The following NOL4 variants were observed in gnomAD, a reference collection of about 807,000 sequenced individuals.
NOL4 encodes the protein cancer/testis antigen 125.
In NOL4, 17 loss-of-function variants were observed where a neutral mutation model predicts 75.9. That is an observed-to-expected ratio of 0.22 (90% CI 0.15 to 0.34). The LOEUF (loss-of-function observed/expected upper bound fraction) is 0.34, where lower values mean the gene tolerates loss of function less well. Among genes scored for constraint, NOL4 ranks in the 10% least tolerant of loss-of-function variants. The pLI, the probability that NOL4 is intolerant of heterozygous loss-of-function variation, is 1.00. For synonymous variants in NOL4, 292 were observed against 289.9 expected, an observed-to-expected ratio of 1.01 and a Z score of -0.07; for missense variants, 614 against 793.5, an observed-to-expected ratio of 0.77 and a Z score of 2.72.
intron 5 of NOL4, among the ~76,000 whole-genome samples, chr18:34,070,125 G>A (rs1373654331): frequency 6.6e-6 from 1 of 152,176 alleles, no homozygotes; most frequent in Admixed American, 6.5e-5. Context: ...TCCGCCTTCC[G>A]GGTTCACGCC....
intron 9 of NOL4, among the ~76,000 whole-genome samples, chr18:33,907,200 G>A (rs1310633785): frequency 6.6e-6 from 1 of 151,782 alleles, no homozygotes; most frequent in Non-Finnish European, 1.5e-5. Context: ...GTTGGCACCT[G>A]TAGTCCCAGC....
intron 5 of NOL4, among the ~76,000 whole-genome samples, chr18:34,091,426 G>T (rs2078518770): frequency 6.6e-6 from 1 of 151,898 alleles, no homozygotes; most frequent in South Asian, 2.1e-4. Flanking sequence ...GCCCCTCTTT[G>T]GATCCTGCCA....
At chr18:34,019,267 G>T (rs1434199135) in intron 6 of NOL4, 51 bp downstream of exon 6, 7 of 1,517,540 alleles carry the variant, frequency 4.6e-6, no homozygotes, top group African/African-American at 2.8e-5. Context: ...GGTATTTTTT[G>T]TGACCTTCAT....
intron 1 of NOL4, among the ~76,000 whole-genome samples, chr18:34,167,501 A>G (rs893971551): frequency 6.7e-6 from 1 of 149,096 alleles, no homozygotes; most frequent in Non-Finnish European, 1.5e-5. Context: ...TCTTTCTAAA[A>G]TGAAAAATCT....
chr18:34,068,073 C>CA lies in NOL4; in HGVS notation c.772+25391dup, dbSNP rs541653618. Among the ~76,000 whole-genome samples the CA allele has an allele frequency of 2.4e-4, 36 of 152,126 alleles. 1 individual carries two copies. The South Asian group carries it at 7.1e-3, about 30-fold the overall frequency. On this transcript the variant is annotated intron_variant, in intron 5 of 10. Transcript: ENST00000261592. The stretch of plus-strand genomic sequence containing the variant: ...AAGAAAGAAAATGAGAAAGAAAAGC[C>CA]AGTGAGGTGGGAGGAAAATTAGGAG...
chr18:34,122,926 G>A (rs1205248485), intron 2 of NOL4, among the ~76,000 whole-genome samples: 1 of 151,962 alleles, frequency 6.6e-6, no homozygotes, highest in East Asian at 1.9e-4. Context: ...AGCCGCATTG[G>A]CTCCTTTTCA....
At chr18:34,132,599 C>T (rs564287759) in intron 1 of NOL4, among the ~76,000 whole-genome samples, 48 of 152,052 alleles carry the variant, frequency 3.2e-4, no homozygotes, top group African/African-American at 1.1e-3. Flanking sequence ...ATCAAAAATG[C>T]CTTCAGAGGT....
chr18:34,161,429 T>C (rs1050152847), intron 1 of NOL4, among the ~76,000 whole-genome samples: 1 of 152,136 alleles, frequency 6.6e-6, no homozygotes, highest in South Asian at 2.1e-4. Flanking sequence ...CCTTGTATAA[T>C]ACATCAAAAG....
intron 1 of NOL4, among the ~76,000 whole-genome samples, chr18:34,162,668 A>C (rs956937437): frequency 2.6e-5 from 4 of 152,208 alleles, no homozygotes; most frequent in African/African-American, 9.7e-5. Flanking sequence ...AGGTACAAGG[A>C]GGAACTGGTA....
At chr18:34,185,903 A>T (rs2146361792) in intron 1 of NOL4, among the ~76,000 whole-genome samples, 1 of 152,194 alleles carries the variant, frequency 6.6e-6, no homozygotes, top group South Asian at 2.1e-4. Context: ...TGCAACAGCA[A>T]TTTTTCTTCA....
At chr18:34,106,625 C>A (rs1014345318) in intron 2 of NOL4, among the ~76,000 whole-genome samples, 17 of 151,496 alleles carry the variant, frequency 1.1e-4, no homozygotes, top group Admixed American at 8.6e-4. Flanking sequence ...CAATTCTAAA[C>A]TATTTTGTGA....
chr18:34,064,600 T>G (rs2077192673), intron 5 of NOL4, among the ~76,000 whole-genome samples: 1 of 151,996 alleles, frequency 6.6e-6, no homozygotes, highest in Non-Finnish European at 1.5e-5. Context: ...GAAATACCAA[T>G]TTATGCTCAT....
At chr18:33,858,793 C>T (rs2144209352) in intron 10 of NOL4, among the ~76,000 whole-genome samples, 1 of 152,006 alleles carries the variant, frequency 6.6e-6, no homozygotes, top group South Asian at 2.1e-4. Flanking sequence ...GTAAAACCAT[C>T]AGAGTCTGAT....
At chr18:33,862,279 T>C (rs545027916) in intron 10 of NOL4, among the ~76,000 whole-genome samples, 139 of 152,174 alleles carry the variant, frequency 9.1e-4, no homozygotes, top group African/African-American at 3.2e-3. Context: ...TCAAGATGGA[T>C]TAAAGACTTA....
intron 4 of NOL4, among the ~76,000 whole-genome samples, chr18:34,097,067 T>C (rs1056781207): frequency 1.1e-4 from 16 of 152,182 alleles, no homozygotes; most frequent in African/African-American, 2.7e-4. Flanking sequence ...CCAGTTAACT[T>C]ATCCACATCC....
At chr18:34,034,239 T>C (rs989952032) in intron 5 of NOL4, among the ~76,000 whole-genome samples, 1 of 151,640 alleles carries the variant, frequency 6.6e-6, no homozygotes, top group African/African-American at 2.4e-5. Context: ...AACCAGAAAA[T>C]AACAGCATGA....
At chr18:34,078,817 A>T in intron 5 of NOL4, among the ~76,000 whole-genome samples, 1 of 152,220 alleles carries the variant, frequency 6.6e-6, no homozygotes, top group Non-Finnish European at 1.5e-5. Context: ...AAGGTATTAA[A>T]AAAGGAGAGA....
At chr18:34,064,742 A>T (rs1600455520) in intron 5 of NOL4, among the ~76,000 whole-genome samples, 1 of 151,904 alleles carries the variant, frequency 6.6e-6, no homozygotes, top group Non-Finnish European at 1.5e-5. Flanking sequence ...TCATTACACA[A>T]AGTTCTGTGG....
At chr18:34,059,999 G>A (rs182023320) in intron 5 of NOL4, among the ~76,000 whole-genome samples, 8 of 152,168 alleles carry the variant, frequency 5.3e-5, no homozygotes, top group Admixed American at 2.6e-4. Context: ...TCAAGTCCTC[G>A]GAGGACTACA....
Sources: allele counts gnomAD v4.1 joint callset (sites outside exome capture counted in the v4.1 genomes callset), GRCh38; gene constraint gnomAD v4.1.1; transcripts MANE v1.5; gene names NCBI Gene and HGNC (gene_info 2026-07-23, HGNC 2026-07-21).